The following ENAH variants were observed in gnomAD, a reference collection of about 807,000 sequenced individuals.
The protein encoded by ENAH is protein enabled homolog.
ENAH carries 23 observed loss-of-function variants against 78.7 expected under a neutral mutation model. The observed-to-expected ratio is 0.29, with a 90% CI of 0.21 to 0.41. The LOEUF (loss-of-function observed/expected upper bound fraction) is 0.41, where lower values mean the gene tolerates loss of function less well. Among genes scored for constraint, ENAH ranks in the 10% least tolerant of loss-of-function variants. The pLI is 1.00. For synonymous variants in ENAH, 226 were observed against 241.0 expected (o/e 0.94, Z 0.58); for missense variants, 544 against 691.0 (o/e 0.79, Z 2.39).
chr1:225,601,401 C>T (rs911252941), intron 1 of ENAH, among the ~76,000 whole-genome samples: 4 of 151,846 alleles, frequency 2.6e-5, no homozygotes, highest in Non-Finnish European at 4.4e-5. Flanking sequence ...GCATGTAGTC[C>T]CAGCTACTTG....
At position 225,497,642 on chromosome 1, in the gene ENAH, T is replaced by G; in HGVS notation, c.*133A>C. On this transcript the variant is annotated 3_prime_UTR_variant, in exon 14 of 14. Coordinates refer to ENST00000366843, the MANE Select transcript of ENAH (RefSeq NM_018212.6). ...CTGAAGGCTTTCAGAGTAGGTTGGT[T>G]TTTCCCTCCTTCTGTTTGTCTCCAT... 1 of 830,464 alleles carries G rather than the reference T, an allele frequency of 1.2e-6. No individual in the cohort carries two copies. The highest frequency in any genetic ancestry group is 2.6e-5 in the Admixed American group (1 of 37,982). The allele number at this position is 830,464 out of a possible 1,614,324, so 51.4% of individuals were successfully genotyped here. A position where few individuals can be genotyped will look rare whatever the true frequency, so the allele number is the denominator to read the frequency against.
chr1:225,610,401 T>C (rs2096981966), intron 1 of ENAH, among the ~76,000 whole-genome samples: 1 of 152,188 alleles, frequency 6.6e-6, no homozygotes, highest in Non-Finnish European at 1.5e-5. Flanking sequence ...TAGGACCTAC[T>C]GTGGGGTTAT....
At chr1:225,512,769 C>G in intron 8 of ENAH, 55 bp from the exon 9 acceptor site, 1 of 1,608,722 alleles carries the variant, frequency 6.2e-7, no homozygotes, top group Non-Finnish European at 8.5e-7. Context: ...AGTATAAAAA[C>G]CACTTCTCTA....
At chr1:225,633,099 G>A (rs1575804373) in intron 1 of ENAH, among the ~76,000 whole-genome samples, 1 of 151,076 alleles carries the variant, frequency 6.6e-6, no homozygotes, top group Non-Finnish European at 1.5e-5. Context: ...CTGAAGTGCA[G>A]TGGCGCAATC....
At chr1:225,647,594 C>T (rs1195003180) in intron 1 of ENAH, among the ~76,000 whole-genome samples, 3 of 152,072 alleles carry the variant, frequency 2.0e-5, no homozygotes, top group Admixed American at 2.0e-4. Flanking sequence ...CAAAAGAAAA[C>T]CAAATTCTAC....
chr1:225,539,820 T>C (rs1411822530), intron 3 of ENAH, among the ~76,000 whole-genome samples: 1 of 152,218 alleles, frequency 6.6e-6, no homozygotes, highest in Non-Finnish European at 1.5e-5. Context: ...AATATTATTC[T>C]CTTGCTCAAC....
upstream of ENAH, among the ~76,000 whole-genome samples, chr1:225,653,357 T>C (rs1338572761): frequency 1.3e-5 from 2 of 151,268 alleles, no homozygotes; most frequent in Non-Finnish European, 3.0e-5. The surrounding 1 kb of genome is among the most constrained non-coding windows in gnomAD (Gnocchi z 4.3). Flanking sequence ...GGAGAGAGGC[T>C]CTTTGTTGCC....
intron 11 of ENAH, chr1:225,505,162 G>A (rs1575318403): frequency 4.2e-6 from 3 of 719,134 alleles, no homozygotes; most frequent in African/African-American, 3.6e-5. Flanking sequence ...CAAGAATTGA[G>A]TCTATTAACC....
intron 3 of ENAH, among the ~76,000 whole-genome samples, chr1:225,539,680 C>T (rs548275486): frequency 1.3e-5 from 2 of 152,330 alleles, no homozygotes; most frequent in African/African-American, 4.8e-5. Context: ...GTGATTGCCA[C>T]GTATCTCATC....
chr1:225,590,806 C>A (rs923052744), intron 1 of ENAH, among the ~76,000 whole-genome samples: 2 of 152,178 alleles, frequency 1.3e-5, no homozygotes, highest in Admixed American at 6.5e-5. Context: ...TAGATTACAA[C>A]AGCCTCCAAA....
intron 2 of ENAH, among the ~76,000 whole-genome samples, chr1:225,557,499 G>T (rs1270438558): frequency 6.6e-6 from 1 of 152,128 alleles, no homozygotes; most frequent in Non-Finnish European, 1.5e-5. Flanking sequence ...ATTTTAGAAG[G>T]AAAGCTTTCT....
At chr1:225,579,595 T>C (rs1188156791) in intron 1 of ENAH, among the ~76,000 whole-genome samples, 1 of 152,154 alleles carries the variant, frequency 6.6e-6, no homozygotes, top group African/African-American at 2.4e-5. Flanking sequence ...CAGATAGAGA[T>C]TCACACAGAC....
At chr1:225,576,761 A>G (rs1412434312) in intron 1 of ENAH, among the ~76,000 whole-genome samples, 4 of 152,234 alleles carry the variant, frequency 2.6e-5, no homozygotes, top group African/African-American at 9.6e-5. Context: ...GCCATCTGCA[A>G]GCCAAGGAGA....
At chr1:225,556,277 A>C (rs1004199043) in intron 2 of ENAH, among the ~76,000 whole-genome samples, 3 of 152,230 alleles carry the variant, frequency 2.0e-5, no homozygotes, top group African/African-American at 7.2e-5. Flanking sequence ...TCTAGTAGAA[A>C]ATTCCAAGTA....
chr1:225,608,851 TC>T (rs1358508785), intron 1 of ENAH, among the ~76,000 whole-genome samples: 3 of 106,734 alleles, frequency 2.8e-5, no homozygotes, highest in African/African-American at 1.3e-4. Context: ...AGGAGGGGGG[TC>T]TTGGAATCAA....
intron 1 of ENAH, among the ~76,000 whole-genome samples, chr1:225,627,831 G>C (rs902017250): frequency 1.3e-5 from 2 of 152,164 alleles, no homozygotes; most frequent in Non-Finnish European, 2.9e-5. Context: ...TGGTGGAGTG[G>C]AGAAGAGAGC....
intron 1 of ENAH, among the ~76,000 whole-genome samples, chr1:225,587,873 G>A (rs1255023144): frequency 3.3e-5 from 5 of 152,024 alleles, no homozygotes; most frequent in Admixed American, 2.0e-4. Flanking sequence ...TTAAAAAGAC[G>A]TCAGTGGAGA....
chr1:225,530,134 A>G (rs1467791243), intron 4 of ENAH, among the ~76,000 whole-genome samples: 1 of 152,200 alleles, frequency 6.6e-6, no homozygotes, highest in Non-Finnish European at 1.5e-5. Flanking sequence ...CTACTACTAA[A>G]CCCTATAGTA....
At chr1:225,541,622 T>C (rs967715957) in intron 3 of ENAH, among the ~76,000 whole-genome samples, 2 of 152,344 alleles carry the variant, frequency 1.3e-5, no homozygotes, top group Middle Eastern at 3.4e-3. Context: ...CATCTCACAA[T>C]TGTTTATAAC....
Sources: allele counts gnomAD v4.1 joint callset (sites outside exome capture counted in the v4.1 genomes callset), GRCh38; gene constraint gnomAD v4.1.1; non-coding constraint Gnocchi (gnomAD v3.1); transcripts MANE v1.5; gene names NCBI Gene and HGNC (gene_info 2026-07-23, HGNC 2026-07-21).